Variants in INSL6 observed in about 807,000 individuals in gnomAD.
INSL6 encodes insulin-like peptide INSL6.
Under a neutral mutation model 9.4 loss-of-function variants are expected in INSL6, and 16 were observed. The observed-to-expected ratio is 1.70, with a 90% CI of 1.15 to 2.59. The LOEUF is 2.59. INSL6 is among the 30% of genes most tolerant of loss of function. The pLI is 0.00. For synonymous variants in INSL6, 154 were observed against 96.9 expected, an observed-to-expected ratio of 1.59 and a Z score of -3.46; for missense variants, 391 against 257.3, an observed-to-expected ratio of 1.52 and a Z score of -3.56.
At chr9:5,123,487 G>A (rs1823770198), downstream of INSL6, among the ~76,000 whole-genome samples, 1 of 151,806 alleles carries the variant, frequency 6.6e-6, no homozygotes, top group Admixed American at 6.6e-5. Context: ...AATTTCATTC[G>A]TTGTTATGGC....
At chr9:5,097,544 C>G in the INSL6 span, 1 of 151,882 alleles carries the variant, frequency 6.6e-6, no homozygotes, top group Non-Finnish European at 1.5e-5. Context: ...ACAGTAGGAA[C>G]AGACATAGAC....
chr9:5,086,498 T>A, the INSL6 span, among the ~76,000 whole-genome samples: 3 of 152,240 alleles, frequency 2.0e-5, no homozygotes, highest in Non-Finnish European at 4.4e-5. Flanking sequence ...CATCATTAGC[T>A]AACATCTTGG....
chr9:5,052,525 A>C, the INSL6 span, among the ~76,000 whole-genome samples: 1 of 152,144 alleles, frequency 6.6e-6, no homozygotes, highest in Non-Finnish European at 1.5e-5. Flanking sequence ...CACCCATTTA[A>C]AATATACAAT....
the INSL6 span, chr9:5,070,182 C>T: frequency 5.4e-6 from 3 of 552,058 alleles, no homozygotes; most frequent in Non-Finnish European, 5.7e-6. Flanking sequence ...AAATATTTTT[C>T]TTATGAAAAA....
At chr9:5,046,667 A>G in the INSL6 span, among the ~76,000 whole-genome samples, 2 of 152,140 alleles carry the variant, frequency 1.3e-5, no homozygotes, top group South Asian at 4.1e-4. Context: ...TCTCCATTGA[A>G]TGGTCTTGGC....
the INSL6 span, among the ~76,000 whole-genome samples, chr9:5,004,918 C>CTTTT: frequency 7.6e-6 from 1 of 131,350 alleles, no homozygotes; most frequent in African/African-American, 2.9e-5. Flanking sequence ...TACATATTGT[C>CTTTT]TTTTTTTTTT....
the INSL6 span, among the ~76,000 whole-genome samples, chr9:5,105,106 A>G: frequency 6.6e-6 from 1 of 152,248 alleles, no homozygotes; most frequent in African/African-American, 2.4e-5. Context: ...TTAGGAAAAG[A>G]GGAAGTCAAA....
At chr9:4,994,730 G>C in the INSL6 span, among the ~76,000 whole-genome samples, 7 of 152,098 alleles carry the variant, frequency 4.6e-5, no homozygotes, top group African/African-American at 1.4e-4. Flanking sequence ...TGTGTGAACT[G>C]TGCTCTGCCA....
At chr9:5,055,787 T>G in the INSL6 span, 1 of 1,609,386 alleles carries the variant, frequency 6.2e-7, no homozygotes, top group South Asian at 1.1e-5. Flanking sequence ...GGTAAAAATC[T>G]GGTAAGTTTG....
the INSL6 span, among the ~76,000 whole-genome samples, chr9:5,106,197 A>G: frequency 1.3e-5 from 2 of 151,734 alleles, no homozygotes; most frequent in African/African-American, 4.8e-5. Context: ...CTACAAAGAA[A>G]TTTACAAGAA....
At chr9:5,066,705 G>C in the INSL6 span, 2 of 1,608,586 alleles carry the variant, frequency 1.2e-6, no homozygotes, top group Non-Finnish European at 1.7e-6. Context: ...GTAAACTGAA[G>C]AAAGCAGGTA....
the INSL6 span, chr9:5,029,762 C>T: frequency 6.3e-7 from 1 of 1,593,188 alleles, no homozygotes; most frequent in Non-Finnish European, 8.6e-7. Context: ...TTAATAATTC[C>T]TTTCTCTGCT....
At chr9:5,114,829 C>T in the INSL6 span, 7 of 273,580 alleles carry the variant, frequency 2.6e-5, no homozygotes, top group Non-Finnish European at 5.0e-5. Flanking sequence ...TTCCTCCCCA[C>T]TAGGGCTCTG....
downstream of INSL6, among the ~76,000 whole-genome samples, chr9:5,120,076 A>T (rs187321421): frequency 6.6e-6 from 1 of 152,356 alleles, no homozygotes; most frequent in Admixed American, 6.5e-5. Flanking sequence ...AGAGGTTAGG[A>T]GTCCATGAAA....
chr9:5,013,251 C>A, the INSL6 span, among the ~76,000 whole-genome samples: 1 of 151,952 alleles, frequency 6.6e-6, no homozygotes, highest in East Asian at 1.9e-4. Flanking sequence ...CTTTAGAGTA[C>A]AATACAAAAT....
At chr9:5,054,903 T>C in the INSL6 span, 4 of 1,497,896 alleles carry the variant, frequency 2.7e-6, no homozygotes, top group Admixed American at 2.2e-5. The surrounding 1 kb of genome is among the most constrained non-coding windows in gnomAD (Gnocchi z 4.9). Context: ...TAATGATATG[T>C]TCTTGTTCTT....
chr9:5,028,748 C>A, the INSL6 span, among the ~76,000 whole-genome samples: 1 of 152,218 alleles, frequency 6.6e-6, no homozygotes, highest in Non-Finnish European at 1.5e-5. Flanking sequence ...TCTTAAACCT[C>A]ATGAACCAGC....
the INSL6 span, chr9:5,041,026 A>G: frequency 1.5e-6 from 1 of 652,570 alleles, no homozygotes; most frequent in Non-Finnish European, 2.8e-6. Flanking sequence ...GCACCTGGGT[A>G]CCGGTTCTAC....
downstream of INSL6, among the ~76,000 whole-genome samples, chr9:5,159,098 T>C (rs1257437523): frequency 6.6e-6 from 1 of 152,102 alleles, no homozygotes; most frequent in Non-Finnish European, 1.5e-5. Context: ...TAAGATATTA[T>C]TTGCAAGCCT....
Sources: allele counts gnomAD v4.1 joint callset (sites outside exome capture counted in the v4.1 genomes callset), GRCh38; gene constraint gnomAD v4.1.1; non-coding constraint Gnocchi (gnomAD v3.1); transcripts MANE v1.5; gene names NCBI Gene and HGNC (gene_info 2026-07-23, HGNC 2026-07-21).